PSG6: variants seen among roughly 807,000 people sequenced by gnomAD.
PSG6 encodes the protein pregnancy-specific beta-1-glycoprotein 6.
Under a neutral mutation model 43.3 loss-of-function variants are expected in PSG6, and 51 were observed. That is an observed-to-expected ratio of 1.18 (90% CI 0.94 to 1.49). The LOEUF (loss-of-function observed/expected upper bound fraction) is 1.49. Ranked by LOEUF, PSG6 falls within the 40% of genes most tolerant of loss-of-function variation. The probability of loss-of-function intolerance (pLI) is 0.00; values close to 1 mark genes in which losing one functional copy is unlikely to be tolerated. For synonymous variants in PSG6, 292 were observed against 197.6 expected (o/e 1.48, Z -4.01); for missense variants, 770 against 522.2 (o/e 1.47, Z -4.62).
chr19:42,917,553 C>G (rs1274708011), intron 1 of PSG6, among the ~76,000 whole-genome samples, 176 bp downstream of exon 1: 3 of 150,824 alleles, frequency 2.0e-5, no homozygotes, highest in African/African-American at 4.9e-5. Context: ...TTGGTAGAGA[C>G]ACGTCTACAC....
At chr19:42,915,162 T>A (rs1410486971) in intron 2 of PSG6, 1 of 151,666 alleles carries the variant, frequency 6.6e-6, no homozygotes, top group Admixed American at 6.6e-5. Flanking sequence ...ATCTCCCCTT[T>A]GTGTTTGTGT....
intron 2 of PSG6, among the ~76,000 whole-genome samples, chr19:42,911,152 C>T (rs1027128266): frequency 1.3e-5 from 2 of 151,564 alleles, no homozygotes; most frequent in African/African-American, 2.4e-5. Context: ...CTCTCTGAGT[C>T]CCTCCGTCTC....
Position 42,916,611 on chromosome 19 carries a change from C to T in PSG6, c.65-124G>A. The T allele has an allele frequency of 2.2e-6, 3 of 1,345,122 alleles. No individual in the cohort carries two copies. The South Asian group carries it at 4.3e-5, about 19-fold the overall frequency. 83.3% of individuals were successfully genotyped at this position (1,345,122 alleles called of 1,614,324 possible). A position where few individuals can be genotyped will look rare whatever the true frequency, so the allele number is the denominator to read the frequency against. ...TTGAAGATATGCACACACACACATA[C>T]AAACACACACACACAAAAGGGCATG... On this transcript the variant is annotated intron_variant, in intron 1 of 5. Coordinates refer to ENST00000187910, the MANE Select transcript of PSG6 (RefSeq NM_001031850.4).
At chr19:42,907,239 C>G in intron 4 of PSG6, 63 bp from the exon 5 acceptor site, 1 of 1,571,154 alleles carries the variant, frequency 6.4e-7, no homozygotes, top group Non-Finnish European at 8.6e-7. Context: ...CTCCTGGTCT[C>G]TTAAAGGGAC....
At position 42,914,448 on chromosome 19, in the gene PSG6, C is replaced by T. The variant is rs536292882; in HGVS notation, c.427+1677G>A. On this transcript the variant is annotated intron_variant, in intron 2 of 5. Transcript: ENST00000187910. ...AGGGACACAGAGAAGCAGAGAGAGG[C>T]AGAGACACCATGGCAGTGAGCAGTG... is the stretch of plus-strand genomic sequence containing the variant. Among the ~76,000 whole-genome samples, 421 of 147,792 alleles carry T rather than the reference C, an allele frequency of 2.8e-3. 9 individuals carry two copies. Among genetic ancestry groups the T allele is most frequent in the Non-Finnish European group, 4.1e-3 (276 of 67,310 alleles).
Position 42,903,919 on chromosome 19 carries a change from A to G in PSG6, c.1241-1473T>C, listed in dbSNP as rs927445643. 4.7e-4 allele frequency among the ~76,000 whole-genome samples: 72 copies of G among 151,600 alleles called. 4 individuals are homozygous for G. Among genetic ancestry groups the G allele is most frequent in the Admixed American group, 2.0e-4 (3 of 15,166 alleles). ...TCTCTCTGTCTTAAAAGAAAAAGAA[A>G]AAAGAAAAATGAAGCGATTACTACC... On this transcript the variant is annotated intron_variant, in intron 5 of 5. Coordinates refer to ENST00000187910, the MANE Select transcript of PSG6 (RefSeq NM_001031850.4).
At chr19:42,903,500 C>G in intron 5 of PSG6, 1 of 1,062,530 alleles carries the variant, frequency 9.4e-7, no homozygotes, top group Non-Finnish European at 1.3e-6. Flanking sequence ...TTACTGAAAC[C>G]AAAAGTTGAT....
chr19:42,905,676 C>T (rs930909745), intron 5 of PSG6, among the ~76,000 whole-genome samples: 2 of 151,468 alleles, frequency 1.3e-5, no homozygotes, highest in African/African-American at 4.9e-5. Context: ...CTGAAAAGTC[C>T]ATTGAAAGAT....
intron 5 of PSG6, among the ~76,000 whole-genome samples, chr19:42,906,345 T>G (rs1345259120): frequency 1.3e-5 from 2 of 151,498 alleles, no homozygotes; most frequent in African/African-American, 4.8e-5. Flanking sequence ...TTTAGCCAAC[T>G]TCAGGACAGG....
At chr19:42,907,422 C>T (rs2122624829) in intron 4 of PSG6, among the ~76,000 whole-genome samples, 154 bp downstream of exon 4, 1 of 152,012 alleles carries the variant, frequency 6.6e-6, no homozygotes, top group African/African-American at 2.4e-5. Flanking sequence ...GCTGTGCCTA[C>T]CCAGGATTTC....
intron 2 of PSG6, among the ~76,000 whole-genome samples, chr19:42,913,313 GC>G (rs1972263201): frequency 6.6e-6 from 1 of 151,556 alleles, no homozygotes; most frequent in African/African-American, 2.4e-5. Context: ...ACCATGCCCA[GC>G]TAATTTTTTG....
rs1178258249 is a variant in PSG6 at position 42,917,756 on chromosome 19, T to C, written c.37A>G (p.Ile13Val). The C allele has an allele frequency of 1.9e-6, 3 of 1,610,190 alleles. No homozygotes were observed. Among genetic ancestry groups the C allele is most frequent in the Non-Finnish European group, 2.5e-6 (3 of 1,177,968 alleles). ...GTGAGCAGGAGCCCCTTCCAGGTGA[T>C]GTGCTGAGTGCAGGGAGGGGCTGAG... ...PLSAPPCTQH[I>V]TWKGLLLTAS... The change falls in exon 1 of 6, where the codon ATC (isoleucine) becomes GTC (valine). Residue 13 changes from isoleucine (I) to valine (V), a missense_variant. Transcript: ENST00000187910.
Position 42,907,800 on chromosome 19 carries a change from T to C in PSG6, c.761A>G (p.Lys254Arg). The C allele has an allele frequency of 2.5e-6, 4 of 1,611,410 alleles. No homozygotes were observed. Among genetic ancestry groups the C allele is most frequent in the Non-Finnish European group, 3.4e-6 (4 of 1,179,080 alleles). Residue 254 changes from lysine (K) to arginine (R), a missense_variant, in exon 4 of 6, where the codon AAG becomes AGG. Lys to Arg is a conservative substitution (Grantham distance 26). Transcript: ENST00000187910. ...TINNLNPREK[K>R]DVLAFTCEPK... ...TTCACAGGTGAAGGCTAACACATCC[T>C]TCTTCTCCCTGGGGTTTAAGTTGTT... is the stretch of plus-strand genomic sequence containing the variant.
chr19:42,913,217 C>A (rs528935477), intron 2 of PSG6, among the ~76,000 whole-genome samples: 24 of 151,676 alleles, frequency 1.6e-4, no homozygotes, highest in African/African-American at 5.3e-4. Flanking sequence ...GTGGCATGAT[C>A]TCAGCTCACT....
intron 3 of PSG6, 107 bp downstream of exon 3, chr19:42,910,473 G>C (rs746060289): frequency 6.2e-7 from 1 of 1,610,964 alleles, no homozygotes; most frequent in Non-Finnish European, 8.5e-7. Flanking sequence ...TGATGTTCAG[G>C]GATAAAGGTC....
At position 42,907,566 on chromosome 19, in the gene PSG6, G is replaced by A. The variant is rs202068387; in HGVS notation, c.985+10C>T. On this transcript the variant is annotated intron_variant, in intron 4 of 5. Coordinates refer to ENST00000187910, the MANE Select transcript of PSG6 (RefSeq NM_001031850.4). Reference sequence around the variant, plus strand: ...GTGTCCTGGCCCACAGAGGAACAAAGGATACTCACAGAGGACATTCAGGGT... The same window carrying A: ...GTGTCCTGGCCCACAGAGGAACAAAAGATACTCACAGAGGACATTCAGGGT... 5,351 of 1,611,298 alleles carry A rather than the reference G, an allele frequency of 3.3e-3. 154 individuals carry two copies. Among genetic ancestry groups the A allele is most frequent in the African/African-American group, 0.022 (1,612 of 74,842 alleles).
intron 5 of PSG6, among the ~76,000 whole-genome samples, chr19:42,905,170 C>G (rs1972092520): frequency 2.0e-5 from 3 of 151,648 alleles, no homozygotes; most frequent in African/African-American, 7.3e-5. Flanking sequence ...AAAAACTATA[C>G]AACTCTTAGA....
At chr19:42,914,456 C>A (rs1972284953) in intron 2 of PSG6, among the ~76,000 whole-genome samples, 1 of 146,750 alleles carries the variant, frequency 6.8e-6, no homozygotes, top group African/African-American at 2.6e-5. Context: ...GGCAGAGACA[C>A]CATGGCAGTG....
chr19:42,903,845 A>G lies in PSG6; in HGVS notation c.1241-1399T>C, dbSNP rs555139490. 82 of 1,270,546 alleles carry G rather than the reference A, an allele frequency of 6.5e-5. 2 individuals are homozygous for G. The highest frequency in any genetic ancestry group is 4.9e-4 in the African/African-American group (32 of 64,912). The allele number at this position is 1,270,546 out of a possible 1,614,324, so 78.7% of individuals were successfully genotyped here. ...GAGGTTGAGGCTGCAGTGAGCCATA[A>G]TCACACCACTGTATTCCATCCTAGG... On this transcript the variant is annotated intron_variant, in intron 5 of 5. Coordinates refer to ENST00000187910, the MANE Select transcript of PSG6 (RefSeq NM_001031850.4).
Sources: gnomAD v4.1 joint callset for allele counts (sites outside exome capture counted in the v4.1 genomes callset) on GRCh38, gnomAD v4.1.1 for gene constraint, MANE v1.5 for transcripts, NCBI Gene and HGNC (gene_info 2026-07-23, HGNC 2026-07-21) for gene names.